Variants in CSMD1 observed in about 807,000 individuals in gnomAD.
The protein encoded by CSMD1 is CUB and Sushi multiple domains 1.
In CSMD1, 213 loss-of-function variants were observed where a neutral mutation model predicts 417.5. That is an observed-to-expected ratio of 0.51 (90% CI 0.46 to 0.57). CSMD1 has a LOEUF of 0.57. Among genes scored for constraint, CSMD1 ranks in the 20% least tolerant of loss-of-function variants. CSMD1 has a pLI of 0.00. For synonymous variants in CSMD1, 2,862 were observed against 1,736.8 expected (o/e 1.65, Z -16.11); for missense variants, 6,923 against 4,529.7 (o/e 1.53, Z -15.17).
chr8:4,375,310 C>G (rs978477861), intron 3 of CSMD1, among the ~76,000 whole-genome samples: 5 of 152,106 alleles, frequency 3.3e-5, no homozygotes, highest in African/African-American at 1.2e-4. Context: ...TCTCCAAAAG[C>G]ACCTTTCTTC....
At chr8:2,945,013 G>C (rs1266111181) in intron 68 of CSMD1, among the ~76,000 whole-genome samples, 2 of 152,174 alleles carry the variant, frequency 1.3e-5, no homozygotes, top group Non-Finnish European at 2.9e-5. Context: ...CTTACCGTGA[G>C]ATTATCACAT....
chr8:3,573,063 C>G (rs565137874), intron 10 of CSMD1, among the ~76,000 whole-genome samples: 1 of 152,054 alleles, frequency 6.6e-6, no homozygotes, highest in Non-Finnish European at 1.5e-5. Context: ...AATGAGATGG[C>G]TTAGTAAATA....
intron 5 of CSMD1, among the ~76,000 whole-genome samples, chr8:3,922,766 T>C (rs1017733520): frequency 1.8e-4 from 27 of 152,196 alleles, no homozygotes; most frequent in Admixed American, 2.6e-4. Context: ...TATGGTTATT[T>C]TTAGTACATT....
intron 25 of CSMD1, among the ~76,000 whole-genome samples, chr8:3,291,558 G>A (rs1472202492): frequency 4.6e-5 from 7 of 152,076 alleles, no homozygotes; most frequent in African/African-American, 9.7e-5. Context: ...GTCTTGGGAG[G>A]ATGTATGTGT....
At chr8:4,635,985 G>T (rs1307552190) in intron 2 of CSMD1, among the ~76,000 whole-genome samples, 2 of 151,774 alleles carry the variant, frequency 1.3e-5, no homozygotes, top group African/African-American at 2.4e-5. Context: ...GTGAAAAAAT[G>T]CAAATAAAAT....
chr8:3,556,001 C>T (rs1223783869), intron 10 of CSMD1, among the ~76,000 whole-genome samples: 1 of 152,126 alleles, frequency 6.6e-6, no homozygotes, highest in African/African-American at 2.4e-5. Flanking sequence ...ATTTCAATCC[C>T]ATTCAAGGAC....
At chr8:4,778,760 G>C (rs1208897330) in intron 1 of CSMD1, among the ~76,000 whole-genome samples, 2 of 152,190 alleles carry the variant, frequency 1.3e-5, no homozygotes, top group African/African-American at 2.4e-5. Flanking sequence ...AGCTCTCATA[G>C]TGGTTTGTTT....
At chr8:4,457,300 C>T (rs566011274) in intron 2 of CSMD1, among the ~76,000 whole-genome samples, 13 of 152,070 alleles carry the variant, frequency 8.5e-5, no homozygotes, top group African/African-American at 2.9e-4. Context: ...TTGCATCTTT[C>T]TAAGACTACT....
chr8:4,579,052 G>T (rs1007660866), intron 2 of CSMD1, among the ~76,000 whole-genome samples: 1 of 151,678 alleles, frequency 6.6e-6, no homozygotes, highest in Non-Finnish European at 1.5e-5. Context: ...CACTGCAAAA[G>T]ATATCTTTCT....
At chr8:4,552,661 C>G (rs986060689) in intron 2 of CSMD1, among the ~76,000 whole-genome samples, 1 of 152,122 alleles carries the variant, frequency 6.6e-6, no homozygotes, top group Admixed American at 6.5e-5. Context: ...GGTACCAAGC[C>G]TAGCAATCGA....
chr8:2,966,197 C>A (rs1402860222), intron 58 of CSMD1, among the ~76,000 whole-genome samples: 4 of 152,146 alleles, frequency 2.6e-5, no homozygotes, highest in African/African-American at 4.8e-5. Context: ...CTGACTTCCA[C>A]CCCTTGACTA....
chr8:3,654,435 A>G (rs1238737520), intron 7 of CSMD1, among the ~76,000 whole-genome samples: 1 of 152,210 alleles, frequency 6.6e-6, no homozygotes, highest in Non-Finnish European at 1.5e-5. Context: ...GCCTGTGCAC[A>G]TAGGGAAAAG....
At chr8:3,435,499 C>A (rs1258171512) in intron 12 of CSMD1, among the ~76,000 whole-genome samples, 2 of 152,094 alleles carry the variant, frequency 1.3e-5, no homozygotes, top group African/African-American at 4.8e-5. Context: ...TTGGGCATTC[C>A]TGAAGCCCAC....
intron 1 of CSMD1, among the ~76,000 whole-genome samples, chr8:4,855,340 T>C (rs1046123064): frequency 3.3e-5 from 5 of 151,690 alleles, no homozygotes; most frequent in African/African-American, 1.2e-4. Flanking sequence ...AACTGGAAAC[T>C]CCAAAAAGCA....
At chr8:4,422,801 G>T (rs1217652) in intron 2 of CSMD1, among the ~76,000 whole-genome samples, 1 of 152,008 alleles carries the variant, frequency 6.6e-6, no homozygotes, top group African/African-American at 2.4e-5. Context: ...AGAGAAAATA[G>T]AAATAGGCAA....
At chr8:3,371,609 T>C (rs1452031909) in intron 18 of CSMD1, among the ~76,000 whole-genome samples, 1 of 152,176 alleles carries the variant, frequency 6.6e-6, no homozygotes, top group African/African-American at 2.4e-5. Flanking sequence ...ATGATCATTC[T>C]GAATTATGTT....
At chr8:3,845,921 A>G (rs1585082277) in intron 5 of CSMD1, among the ~76,000 whole-genome samples, 2 of 152,152 alleles carry the variant, frequency 1.3e-5, no homozygotes, top group East Asian at 3.9e-4. Context: ...CATCAATATC[A>G]CTATCTTCCA....
chr8:4,712,698 C>T (rs553780948), intron 1 of CSMD1, among the ~76,000 whole-genome samples: 4 of 152,206 alleles, frequency 2.6e-5, no homozygotes, highest in African/African-American at 4.8e-5. Flanking sequence ...ATAATAGTGA[C>T]GGTGTGTTTT....
At chr8:3,101,390 T>C (rs1374553218) in intron 46 of CSMD1, among the ~76,000 whole-genome samples, 2 of 152,352 alleles carry the variant, frequency 1.3e-5, no homozygotes, top group Middle Eastern at 3.4e-3. Flanking sequence ...TACATTAAGA[T>C]GAGTGTCTAG....
Sources: allele counts gnomAD v4.1 joint callset (sites outside exome capture counted in the v4.1 genomes callset), GRCh38; gene constraint gnomAD v4.1.1; transcripts MANE v1.5; gene names NCBI Gene and HGNC (gene_info 2026-07-23, HGNC 2026-07-21).